Variants in RBFOX1 observed in about 807,000 individuals in gnomAD.
RBFOX1 encodes RNA binding fox-1 homolog 1.
In RBFOX1, 8 loss-of-function variants were observed where a neutral mutation model predicts 57.7. The observed-to-expected ratio is 0.14, with a 90% CI of 0.08 to 0.25. The LOEUF is 0.25. Among genes scored for constraint, RBFOX1 ranks in the 10% least tolerant of loss-of-function variants. RBFOX1 has a pLI of 1.00. For missense variants in RBFOX1, 611 were observed against 548.5 expected (o/e 1.11, Z -1.14); for synonymous variants, 326 against 222.4 (o/e 1.47, Z -4.15).
intron 6 of RBFOX1, among the ~76,000 whole-genome samples, chr16:7,584,640 G>A (rs1034981): frequency 0.14 from 21,412 of 152,162 alleles, 3,699 homozygotes; most frequent in African/African-American, 0.41. Context: ...TGGATTTGAG[G>A]CGTTGTTGAA....
intron 4 of RBFOX1, among the ~76,000 whole-genome samples, chr16:5,908,121 CACATATATAT>C (rs2058510839): frequency 7.3e-6 from 1 of 137,742 alleles, no homozygotes; most frequent in South Asian, 2.1e-4. Flanking sequence ...CACATATATA[CACATATATAT>C]ATACACATAT....
intron 1 of RBFOX1, among the ~76,000 whole-genome samples, chr16:6,151,866 G>T (rs937651363): frequency 6.6e-6 from 1 of 152,178 alleles, no homozygotes; most frequent in Non-Finnish European, 1.5e-5. Context: ...TTTGCAGTTT[G>T]GCTGAACTGT....
intron 1 of RBFOX1, among the ~76,000 whole-genome samples, chr16:5,441,031 C>T (rs976640320): frequency 3.3e-5 from 5 of 152,236 alleles, no homozygotes; most frequent in East Asian, 1.9e-4. Context: ...ACAAATTGAT[C>T]GTGAAAATGA....
At chr16:7,173,505 C>G (rs752668270) in intron 4 of RBFOX1, among the ~76,000 whole-genome samples, 1 of 151,408 alleles carries the variant, frequency 6.6e-6, no homozygotes, top group East Asian at 1.9e-4. Flanking sequence ...TTTTTTTTCT[C>G]TCAGAAGTCA....
chr16:6,076,293 C>T (rs1196355233), intron 1 of RBFOX1, among the ~76,000 whole-genome samples: 2 of 130,056 alleles, frequency 1.5e-5, no homozygotes, highest in Non-Finnish European at 3.6e-5. Flanking sequence ...GAGCAAAACT[C>T]TGTCTCAAAA....
intron 4 of RBFOX1, among the ~76,000 whole-genome samples, chr16:7,124,645 C>G (rs1600219057): frequency 6.6e-6 from 1 of 150,810 alleles, no homozygotes; most frequent in East Asian, 2.0e-4. Flanking sequence ...TGATAGCCCT[C>G]ATTTCACATT....
At chr16:7,543,656 C>T (rs1055854241) in intron 5 of RBFOX1, among the ~76,000 whole-genome samples, 9 of 148,198 alleles carry the variant, frequency 6.1e-5, no homozygotes, top group African/African-American at 2.2e-4. Context: ...CTGCACCATG[C>T]TGGGCAGTAT....
chr16:6,745,430 C>T (rs1245110994), intron 3 of RBFOX1, among the ~76,000 whole-genome samples: 2 of 152,050 alleles, frequency 1.3e-5, no homozygotes, highest in Admixed American at 1.3e-4. Flanking sequence ...AATCTATTGA[C>T]ACATGAAAAG....
chr16:5,249,892 C>T (rs1285287806), intron 1 of RBFOX1, among the ~76,000 whole-genome samples: 1 of 151,542 alleles, frequency 6.6e-6, no homozygotes, highest in African/African-American at 2.4e-5. Context: ...CCAGAAGCAG[C>T]AGGTTGCAGT....
chr16:7,125,667 A>G (rs908437297), intron 4 of RBFOX1, among the ~76,000 whole-genome samples: 3 of 152,332 alleles, frequency 2.0e-5, no homozygotes, highest in East Asian at 1.9e-4. Flanking sequence ...AACAGCAGCA[A>G]TGAGTTATTT....
intron 2 of RBFOX1, among the ~76,000 whole-genome samples, chr16:6,630,953 A>G (rs143304323): frequency 1.3e-5 from 2 of 152,140 alleles, no homozygotes; most frequent in Admixed American, 1.3e-4. Flanking sequence ...AAAGTACCTT[A>G]TTGAATGCAT....
chr16:5,376,255 T>C (rs941073524), intron 1 of RBFOX1, among the ~76,000 whole-genome samples: 1 of 151,932 alleles, frequency 6.6e-6, no homozygotes, highest in African/African-American at 2.4e-5. Flanking sequence ...AGACGGTGCA[T>C]TCTGAGAGCA....
chr16:7,200,216 G>A lies in RBFOX1; in HGVS notation c.27+148118G>A, dbSNP rs975267590. 3.9e-5 allele frequency among the ~76,000 whole-genome samples: 6 copies of A among 152,112 alleles called. No homozygotes were observed. The South Asian group carries it at 6.2e-4, about 16-fold the overall frequency. On this transcript the variant is annotated intron_variant, in intron 4 of 15. Coordinates refer to ENST00000550418, the MANE Select transcript of RBFOX1 (RefSeq NM_018723.4). ...GTAGTGACTTTTAGAAAGGAAACTC[G>A]ACTGTCCTTGTAGATGGTAAGGATG...
At position 7,121,381 on chromosome 16, in the gene RBFOX1, C is replaced by G. The variant is rs1009449919; in HGVS notation, c.27+69283C>G. Among the ~76,000 whole-genome samples the G allele has an allele frequency of 4.6e-5, 7 of 151,962 alleles. No homozygotes were observed. In the East Asian group the frequency reaches 1.2e-3, roughly 25 times the overall value. The stretch of plus-strand genomic sequence containing the variant: ...ATAAAATCCCAAGGAACTCTAAAAC[C>G]TCTTAGGTGAAAACATAAATATCAA... On this transcript the variant is annotated intron_variant, in intron 4 of 15. Coordinates refer to ENST00000550418, the MANE Select transcript of RBFOX1 (RefSeq NM_018723.4).
chr16:6,599,878 C>T (rs2097828436), intron 2 of RBFOX1, among the ~76,000 whole-genome samples: 2 of 152,210 alleles, frequency 1.3e-5, no homozygotes, highest in Admixed American at 6.5e-5. Flanking sequence ...GCAACTAGAA[C>T]AGCACCCTGC....
At chr16:7,354,103 C>G (rs1348622641) in intron 4 of RBFOX1, among the ~76,000 whole-genome samples, 3 of 152,068 alleles carry the variant, frequency 2.0e-5, no homozygotes, top group Admixed American at 6.6e-5. Context: ...TCCTGAGTAT[C>G]TGGGATTACA....
intron 3 of RBFOX1, among the ~76,000 whole-genome samples, chr16:6,968,128 A>G (rs559487501): frequency 6.6e-6 from 1 of 152,258 alleles, no homozygotes; most frequent in African/African-American, 2.4e-5. Context: ...AACCCCGCAC[A>G]GACACCACCG....
chr16:6,069,638 C>G (rs1164493059), intron 1 of RBFOX1, among the ~76,000 whole-genome samples: 1 of 152,118 alleles, frequency 6.6e-6, no homozygotes, highest in Non-Finnish European at 1.5e-5. Flanking sequence ...TAGGAAGTAA[C>G]AGAACATTTC....
chr16:6,669,260 C>T (rs757206571), intron 3 of RBFOX1, among the ~76,000 whole-genome samples: 33 of 152,084 alleles, frequency 2.2e-4, no homozygotes, highest in Non-Finnish European at 4.0e-4. Flanking sequence ...AAACCATGCC[C>T]GTGTGTGTGC....
Sources: gnomAD v4.1 joint callset for allele counts (sites outside exome capture counted in the v4.1 genomes callset) on GRCh38, gnomAD v4.1.1 for gene constraint, MANE v1.5 for transcripts, NCBI Gene and HGNC (gene_info 2026-07-23, HGNC 2026-07-21) for gene names.